The following KIRREL3 variants were observed in gnomAD, a reference collection of about 807,000 sequenced individuals.
The protein encoded by KIRREL3 is kirre like nephrin family adhesion molecule 3, also known as kin of IRRE-like protein 3.
In KIRREL3, 36 loss-of-function variants were observed where a neutral mutation model predicts 89.7. That is an observed-to-expected ratio of 0.40 (90% CI 0.31 to 0.53). KIRREL3 has a LOEUF of 0.53. Ranked by LOEUF, KIRREL3 falls within the 20% of genes least tolerant of loss-of-function variation. The pLI is 0.49. For missense variants in KIRREL3, 864 were observed against 1,056.6 expected (o/e 0.82, Z 2.53); for synonymous variants, 445 against 441.4 (o/e 1.01, Z -0.10).
chr11:126,460,634 C>T (rs1395090441), intron 6 of KIRREL3, among the ~76,000 whole-genome samples: 1 of 152,158 alleles, frequency 6.6e-6, no homozygotes, highest in Non-Finnish European at 1.5e-5. Context: ...GGAAAGGAAG[C>T]CAGAAAGGGC....
Position 126,527,087 on chromosome 11 carries a change from G to A in KIRREL3, c.134-400C>T, listed in dbSNP as rs557431856. ...AGAGAGAGAGAGAGACCTCTAGCTA[G>A]AAACATTCTGTGGTGGCTGTGTGTT... is the stretch of plus-strand genomic sequence containing the variant. On this transcript the variant is annotated intron_variant, in intron 2 of 16. Coordinates refer to ENST00000525144, the MANE Select transcript of KIRREL3 (RefSeq NM_032531.4). This position sits in a 1 kb window ranked among gnomAD's most constrained non-coding sequence, Gnocchi z 4.2. Among the ~76,000 whole-genome samples the A allele has an allele frequency of 1.1e-3, 168 of 152,362 alleles. No homozygotes were observed. The highest frequency in any genetic ancestry group is 4.0e-3 in the African/African-American group (165 of 41,598).
Position 126,516,981 on chromosome 11 carries a change from G to A in KIRREL3, c.433+4334C>T, listed in dbSNP as rs1332333214. Among the ~76,000 whole-genome samples, 1 of 152,162 alleles carries A rather than the reference G, an allele frequency of 6.6e-6. No homozygotes were observed. Among genetic ancestry groups the A allele is most frequent in the African/African-American group, 2.4e-5 (1 of 41,430 alleles). On this transcript the variant is annotated intron_variant, in intron 4 of 16. Transcript: ENST00000525144. The surrounding 1 kb of genome is among the most constrained non-coding windows in gnomAD (Gnocchi z 4.9). ...AATCCCAGCTACTCAGGAGGCTGGAGCAGGAGGACCCAGAAGGCGGAGGTT... is the reference window on the plus strand; with the variant it reads ...AATCCCAGCTACTCAGGAGGCTGGAACAGGAGGACCCAGAAGGCGGAGGTT...
Position 126,662,801 on chromosome 11 carries a change from G to A in KIRREL3, c.56-99889C>T, listed in dbSNP as rs115265695. ...GTATGATGTGACAAGAAAGTCACAT[G>A]GAGGCAGAAAAAGAAGAAGAGACCC... On this transcript the variant is annotated intron_variant, in intron 1 of 16. Transcript: ENST00000525144. Among the ~76,000 whole-genome samples, 811 of 152,042 alleles carry A rather than the reference G, an allele frequency of 5.3e-3. 6 individuals are homozygous for A. Among genetic ancestry groups the A allele is most frequent in the African/African-American group, 0.019 (782 of 41,494 alleles).
chr11:126,594,384 ACT>A lies in KIRREL3; in HGVS notation c.56-31474_56-31473del, dbSNP rs1942291453. On this transcript the variant is annotated intron_variant, in intron 1 of 16. Coordinates refer to ENST00000525144, the MANE Select transcript of KIRREL3 (RefSeq NM_032531.4). This position sits in a 1 kb window ranked among gnomAD's most constrained non-coding sequence, Gnocchi z 5.0. ...ACTGGACCAGAAGCTCCTCGAGGAA[ACT>A]CTGCGCCCTTTAGACTCCAATCTTC... Among the ~76,000 whole-genome samples, 2 of 152,084 alleles carry A rather than the reference ACT, an allele frequency of 1.3e-5. No individual in the cohort carries two copies. Among genetic ancestry groups the A allele is most frequent in the South Asian group, 2.1e-4 (1 of 4,824 alleles).
intron 1 of KIRREL3, among the ~76,000 whole-genome samples, chr11:126,680,660 C>T (rs543680973): frequency 6.6e-6 from 1 of 151,090 alleles, no homozygotes; most frequent in South Asian, 2.1e-4. Flanking sequence ...ATTTTTAATG[C>T]TTTTCAAAGT....
chr11:126,741,014 GCT>G (rs771485121), intron 1 of KIRREL3, among the ~76,000 whole-genome samples: 3 of 152,164 alleles, frequency 2.0e-5, no homozygotes, highest in Non-Finnish European at 4.4e-5. Context: ...ACCACAAGGA[GCT>G]CATTCCTGCA....
Position 126,872,179 on chromosome 11 carries a change from A to T in KIRREL3, c.55+128276T>A, listed in dbSNP as rs1163118423. Among the ~76,000 whole-genome samples, 2 of 152,244 alleles carry T rather than the reference A, an allele frequency of 1.3e-5. No individual in the cohort carries two copies. Among genetic ancestry groups the T allele is most frequent in the Admixed American group, 1.3e-4 (2 of 15,290 alleles). ...CTCTAGTTGTCCTTACTGCTCATTA[A>T]CATAAAAAGATACTTCTAGTAGTGT... On this transcript the variant is annotated intron_variant, in intron 1 of 16. Transcript: ENST00000525144. This position sits in a 1 kb window ranked among gnomAD's most constrained non-coding sequence, Gnocchi z 4.2.
In KIRREL3 at chr11:126,423,616, C is replaced by T. The variant is rs1263454616; in HGVS notation, c.*964G>A. ...GGATCGCCGTTCTTGTGTTTATCAG[C>T]TGAGAAGGGCAGTCTCGCCATCTTA... On this transcript the variant is annotated 3_prime_UTR_variant, in exon 17 of 17. Coordinates refer to ENST00000525144, the MANE Select transcript of KIRREL3 (RefSeq NM_032531.4). 6.6e-6 allele frequency: 1 copy of T among 152,190 alleles called. No individual in the cohort carries two copies. The highest frequency in any genetic ancestry group is 2.4e-5 in the African/African-American group (1 of 41,426). 9.4% of individuals were successfully genotyped at this position (152,190 alleles called of 1,614,324 possible).
At chr11:126,448,563 G>A (rs548642216) in intron 8 of KIRREL3, among the ~76,000 whole-genome samples, 2 of 152,332 alleles carry the variant, frequency 1.3e-5, no homozygotes, top group South Asian at 4.1e-4. Context: ...AGGAGGAGGA[G>A]CTTTGCAGGG....
At chr11:126,784,163 G>T (rs1950412083) in intron 1 of KIRREL3, among the ~76,000 whole-genome samples, 1 of 152,214 alleles carries the variant, frequency 6.6e-6, no homozygotes, top group Non-Finnish European at 1.5e-5. Context: ...TCCTGGATGA[G>T]CCCCTGGGGC....
intron 6 of KIRREL3, 69 bp from the exon 7 acceptor site, chr11:126,456,523 G>A: frequency 9.4e-7 from 1 of 1,063,662 alleles, no homozygotes; most frequent in Non-Finnish European, 1.4e-6. Flanking sequence ...GGGCGACATG[G>A]AGGATACAGC....
chr11:126,967,916 T>G (rs1949320067), intron 1 of KIRREL3, among the ~76,000 whole-genome samples: 1 of 152,114 alleles, frequency 6.6e-6, no homozygotes, highest in Non-Finnish European at 1.5e-5. Flanking sequence ...ATATCAATAA[T>G]GCCAAGGTTG....
chr11:126,458,097 C>G (rs75084205), intron 6 of KIRREL3, among the ~76,000 whole-genome samples: 113 of 152,254 alleles, frequency 7.4e-4, no homozygotes, highest in African/African-American at 2.7e-3. Context: ...CCTGTCATGG[C>G]CCAGAGCTCT....
chr11:126,772,254 G>A lies in KIRREL3; in HGVS notation c.56-209342C>T, dbSNP rs1204923221. On this transcript the variant is annotated intron_variant, in intron 1 of 16. Coordinates refer to ENST00000525144, the MANE Select transcript of KIRREL3 (RefSeq NM_032531.4). This position sits in a 1 kb window ranked among gnomAD's most constrained non-coding sequence, Gnocchi z 4.6. ...AAGAACAGTGCTAAGATTTGGATAGGGGAATTGAGGAAGAATGTCAATATT... is the reference window on the plus strand; with the variant it reads ...AAGAACAGTGCTAAGATTTGGATAGAGGAATTGAGGAAGAATGTCAATATT... 6.6e-6 allele frequency among the ~76,000 whole-genome samples: 1 copy of A among 152,200 alleles called. No individual in the cohort carries two copies. Among genetic ancestry groups the A allele is most frequent in the Admixed American group, 6.5e-5 (1 of 15,282 alleles).
At chr11:126,479,989 G>A (rs1371067996) in intron 4 of KIRREL3, among the ~76,000 whole-genome samples, 2 of 152,118 alleles carry the variant, frequency 1.3e-5, no homozygotes, top group Admixed American at 1.3e-4. Flanking sequence ...AGCATCCTGG[G>A]CATCCCCTGA....
At chr11:126,473,770 C>T (rs1171139115) in intron 4 of KIRREL3, among the ~76,000 whole-genome samples, 2 of 152,082 alleles carry the variant, frequency 1.3e-5, no homozygotes, top group African/African-American at 4.8e-5. Context: ...GCTCTGTGGC[C>T]CAGGCGATGT....
In KIRREL3 at chr11:126,828,455, T is replaced by G. The variant is rs193256745; in HGVS notation, c.55+172000A>C. 9.3e-4 allele frequency among the ~76,000 whole-genome samples: 142 copies of G among 152,338 alleles called. 2 individuals carry two copies. Among genetic ancestry groups the G allele is most frequent in the African/African-American group, 3.0e-3 (124 of 41,570 alleles). On this transcript the variant is annotated intron_variant, in intron 1 of 16. Transcript: ENST00000525144. ...GTCACTGAATAAGGGGATCTGGACT[T>G]TTTAGAATGTGGCAGTATAAAATAA...
intron 1 of KIRREL3, among the ~76,000 whole-genome samples, chr11:126,821,853 T>A (rs1340240643): frequency 6.6e-6 from 1 of 152,050 alleles, no homozygotes. Flanking sequence ...TGCCAAGGAA[T>A]CCAGGCAGCC....
At chr11:126,693,522 G>T (rs1024182859) in intron 1 of KIRREL3, among the ~76,000 whole-genome samples, 1 of 152,046 alleles carries the variant, frequency 6.6e-6, no homozygotes, top group African/African-American at 2.4e-5. Flanking sequence ...AGACTCTGCC[G>T]GCATGCCGTA....
Sources: allele counts gnomAD v4.1 joint callset (sites outside exome capture counted in the v4.1 genomes callset), GRCh38; gene constraint gnomAD v4.1.1; non-coding constraint Gnocchi (gnomAD v3.1); transcripts MANE v1.5; gene names NCBI Gene and HGNC (gene_info 2026-07-23, HGNC 2026-07-21).